ABI1: variants seen among roughly 807,000 people sequenced by gnomAD.
The protein encoded by ABI1 is abl interactor 1.
Under a neutral mutation model 54.6 loss-of-function variants are expected in ABI1, and 14 were observed. The ratio of observed to expected loss-of-function variants is 0.26; its 90% CI spans 0.17 to 0.40. ABI1 has a LOEUF of 0.40. Ranked by LOEUF, ABI1 falls within the 10% of genes least tolerant of loss-of-function variation. The pLI is 1.00. For missense variants in ABI1, 443 were observed against 598.3 expected (o/e 0.74, Z 2.71); for synonymous variants, 194 against 209.3 (o/e 0.93, Z 0.63).
At chr10:26,859,339 C>T (rs1176428450) in intron 1 of ABI1, among the ~76,000 whole-genome samples, 1 of 152,084 alleles carries the variant, frequency 6.6e-6, no homozygotes, top group Non-Finnish European at 1.5e-5. Flanking sequence ...ATTCTGAAAA[C>T]AGCATCTCCC....
At chr10:26,771,031 A>G in intron 4 of ABI1, 44 bp downstream of exon 4, 1 of 1,609,744 alleles carries the variant, frequency 6.2e-7, no homozygotes, top group Non-Finnish European at 8.5e-7. Flanking sequence ...CTCTATCAAT[A>G]CAGAGGAAAT....
At chr10:26,805,703 C>T (rs7904762) in intron 2 of ABI1, among the ~76,000 whole-genome samples, 3,103 of 152,276 alleles carry the variant, frequency 0.02, 76 homozygotes, top group African/African-American at 0.065. Flanking sequence ...TACTGCCTTT[C>T]CTTTGATTCA....
intron 1 of ABI1, among the ~76,000 whole-genome samples, chr10:26,831,236 CAA>C (rs374279635): frequency 6.9e-6 from 1 of 144,376 alleles, no homozygotes; most frequent in African/African-American, 2.5e-5. Flanking sequence ...CTCCAACTTC[CAA>C]AAAAAAAAAA....
At chr10:26,853,725 G>A (rs1326070813) in intron 1 of ABI1, among the ~76,000 whole-genome samples, 3 of 151,708 alleles carry the variant, frequency 2.0e-5, no homozygotes, top group Non-Finnish European at 2.9e-5. Context: ...TGTATTTTTA[G>A]TAGAGACGGG....
intron 1 of ABI1, among the ~76,000 whole-genome samples, chr10:26,840,450 C>T (rs1382046271): frequency 6.6e-6 from 1 of 152,198 alleles, no homozygotes; most frequent in Non-Finnish European, 1.5e-5. Flanking sequence ...TGTAGCAACA[C>T]AAACAGACTA....
chr10:26,806,869 T>C (rs1167345689), intron 2 of ABI1, among the ~76,000 whole-genome samples: 2 of 152,224 alleles, frequency 1.3e-5, no homozygotes, highest in East Asian at 3.8e-4. Flanking sequence ...ATCAGTATCC[T>C]AAAATTCCCT....
intron 1 of ABI1, among the ~76,000 whole-genome samples, chr10:26,858,588 G>A (rs1027620908): frequency 2.3e-4 from 32 of 139,168 alleles, no homozygotes; most frequent in African/African-American, 8.6e-4. Context: ...GTGGCTATTC[G>A]TGCACCATGG....
At chr10:26,790,332 G>A (rs550893031) in intron 2 of ABI1, among the ~76,000 whole-genome samples, 43 of 152,226 alleles carry the variant, frequency 2.8e-4, no homozygotes, top group African/African-American at 1.0e-3. Flanking sequence ...CATTCTGACT[G>A]GTATGAGATG....
chr10:26,783,846 A>G (rs1287363855), intron 2 of ABI1, among the ~76,000 whole-genome samples: 1 of 152,172 alleles, frequency 6.6e-6, no homozygotes, highest in Non-Finnish European at 1.5e-5. Flanking sequence ...CATGTGGACA[A>G]AAGTAGGAGA....
chr10:26,827,514 C>T (rs1286599253), intron 1 of ABI1, among the ~76,000 whole-genome samples: 10 of 151,448 alleles, frequency 6.6e-5, no homozygotes, highest in African/African-American at 1.9e-4. Flanking sequence ...TGAGCCACCA[C>T]GCCCAGCCTG....
chr10:26,806,395 T>A (rs1183218113), intron 2 of ABI1, among the ~76,000 whole-genome samples: 3 of 152,198 alleles, frequency 2.0e-5, no homozygotes, highest in African/African-American at 7.2e-5. Flanking sequence ...TCCAAATTGA[T>A]GCTCCAGTGT....
At chr10:26,834,433 C>T (rs1321260686) in intron 1 of ABI1, among the ~76,000 whole-genome samples, 1 of 151,948 alleles carries the variant, frequency 6.6e-6, no homozygotes, top group Non-Finnish European at 1.5e-5. Context: ...ATCCATCTGA[C>T]ACAGGACCAA....
chr10:26,784,568 C>G (rs1017598651), intron 2 of ABI1, among the ~76,000 whole-genome samples: 1 of 151,230 alleles, frequency 6.6e-6, no homozygotes, highest in Non-Finnish European at 1.5e-5. Flanking sequence ...ATGGGGGGAG[C>G]GGGGAGAAGT....
intron 2 of ABI1, among the ~76,000 whole-genome samples, chr10:26,782,508 A>G (rs577378451): frequency 6.6e-6 from 1 of 152,326 alleles, no homozygotes; most frequent in East Asian, 1.9e-4. Context: ...GCAGATCACA[A>G]GGTCAGGAGA....
At chr10:26,781,872 T>G (rs1303420995) in intron 2 of ABI1, among the ~76,000 whole-genome samples, 3 of 152,222 alleles carry the variant, frequency 2.0e-5, no homozygotes, top group African/African-American at 7.2e-5. Flanking sequence ...CTACCACTGC[T>G]GCTGGATCCA....
At chr10:26,837,699 C>G (rs1257109709) in intron 1 of ABI1, among the ~76,000 whole-genome samples, 1 of 152,094 alleles carries the variant, frequency 6.6e-6, no homozygotes, top group East Asian at 1.9e-4. Context: ...TACTGCAATT[C>G]TGCCTCCCAG....
intron 2 of ABI1, among the ~76,000 whole-genome samples, chr10:26,822,571 T>C (rs922010737): frequency 6.6e-6 from 1 of 151,628 alleles, no homozygotes; most frequent in Non-Finnish European, 1.5e-5. Flanking sequence ...AATCTCAAAA[T>C]AATTATCCAT....
At chr10:26,842,522 T>C (rs949354515) in intron 1 of ABI1, among the ~76,000 whole-genome samples, 2 of 152,144 alleles carry the variant, frequency 1.3e-5, no homozygotes, top group African/African-American at 4.8e-5. Context: ...CACTATCTGG[T>C]GAGCTTTTTA....
intron 1 of ABI1, among the ~76,000 whole-genome samples, chr10:26,857,819 C>T (rs1209543792): frequency 6.8e-6 from 1 of 146,206 alleles, no homozygotes; most frequent in Non-Finnish European, 1.5e-5. Context: ...CCACTGCACT[C>T]CAGCCTGGGT....
Sources: allele counts gnomAD v4.1 joint callset (sites outside exome capture counted in the v4.1 genomes callset), GRCh38; gene constraint gnomAD v4.1.1; transcripts MANE v1.5; gene names NCBI Gene and HGNC (gene_info 2026-07-23, HGNC 2026-07-21).